PTPRQ: variants seen among roughly 807,000 people sequenced by gnomAD.
PTPRQ encodes protein tyrosine phosphatase receptor type Q, also known as phosphatidylinositol phosphatase PTPRQ.
Under a neutral mutation model 246.0 loss-of-function variants are expected in PTPRQ, and 199 were observed. That is an observed-to-expected ratio of 0.81 (90% confidence interval 0.72 to 0.91). The LOEUF is 0.91. PTPRQ is among the 40% of genes least tolerant of loss of function. The pLI, the probability that PTPRQ is intolerant of heterozygous loss-of-function variation, is 0.00. For missense variants in PTPRQ, 2,624 were observed against 2,528.4 expected, an observed-to-expected ratio of 1.04 and a Z score of -0.81; for synonymous variants, 869 against 853.2, an observed-to-expected ratio of 1.02 and a Z score of -0.32.
chr12:80,499,939 A>G (rs926751851), intron 14 of PTPRQ, among the ~76,000 whole-genome samples: 4 of 152,110 alleles, frequency 2.6e-5, no homozygotes, highest in Middle Eastern at 3.4e-3. Flanking sequence ...ATCTATACAT[A>G]TTCCCTTTCC....
chr12:80,646,070 G>A (rs1367952560), intron 35 of PTPRQ, among the ~76,000 whole-genome samples: 1 of 152,028 alleles, frequency 6.6e-6, no homozygotes, highest in Non-Finnish European at 1.5e-5. Context: ...AAAATTAAGA[G>A]AATATTCTTT....
At position 80,613,756 on chromosome 12, in the gene PTPRQ, C is replaced by T. The variant is rs1371993127; in HGVS notation, c.5083C>T (p.Leu1695Phe). The part of the protein sequence containing the change: ...DDPTAVQIHN[L>F]SIIQKTNTFV... Reference sequence around the variant, plus strand: ...TCCTACTGCTGTCCAGATTCACAACCTCAGTATTATACAGAAAACCAACAC... The same window carrying T: ...TCCTACTGCTGTCCAGATTCACAACTTCAGTATTATACAGAAAACCAACAC... The change falls in exon 29 of 45, where the codon CTC becomes TTC. Residue 1695 changes from leucine to phenylalanine, a missense_variant. Coordinates refer to ENST00000644991, the MANE Select transcript of PTPRQ (RefSeq NM_001145026.2). 4 of 1,545,070 alleles carry T rather than the reference C, an allele frequency of 2.6e-6. No individual in the cohort carries two copies. The highest frequency in any genetic ancestry group is 1.4e-5 in the African/African-American group (1 of 72,414).
chr12:80,510,583 A>G, intron 17 of PTPRQ, 140 bp downstream of exon 17: 1 of 967,582 alleles, frequency 1.0e-6, no homozygotes, highest in Non-Finnish European at 1.4e-6. Flanking sequence ...GTTTTGATTA[A>G]GAAACAAGTT....
chr12:80,464,408 A>G (rs1422549679), intron 6 of PTPRQ, among the ~76,000 whole-genome samples: 23 of 12,610 alleles, frequency 1.8e-3, no homozygotes, highest in African/African-American at 8.7e-3. Flanking sequence ...AGACTCCCAT[A>G]CAATAATAAT....
chr12:80,519,670 T>C (rs993593280), intron 17 of PTPRQ, among the ~76,000 whole-genome samples: 15 of 152,190 alleles, frequency 9.9e-5, no homozygotes, highest in Non-Finnish European at 2.1e-4. Context: ...AACATGTATG[T>C]AACAAACGAT....
Position 80,496,514 on chromosome 12 carries a change from TA to T in PTPRQ, c.2257del (p.Arg753GlyfsTer56). 6.5e-7 allele frequency: 1 copy of T among 1,540,614 alleles called. No individual in the cohort carries two copies. Among genetic ancestry groups the T allele is most frequent in the Non-Finnish European group, 8.7e-7 (1 of 1,143,676 alleles). On this transcript the variant is annotated frameshift_variant, in exon 14 of 45. Coordinates refer to ENST00000644991, the MANE Select transcript of PTPRQ (RefSeq NM_001145026.2). LOFTEE classifies it high-confidence loss of function. ...HGNQVSSLLS[V>X]RTSETVPDSA... ...AATCAGGTATCTTCTTTACTCTCTG[TA>T]AGGACTTCGGAGACTGGTGAGCTTT...
intron 39 of PTPRQ, among the ~76,000 whole-genome samples, 177 bp downstream of exon 39, chr12:80,658,238 A>G (rs1900508924): frequency 6.6e-6 from 1 of 152,040 alleles, no homozygotes; most frequent in South Asian, 2.1e-4. Context: ...GGATATGCCT[A>G]ACAGAGATAC....
At chr12:80,490,882 T>A (rs1004891569) in intron 9 of PTPRQ, among the ~76,000 whole-genome samples, 5 of 152,024 alleles carry the variant, frequency 3.3e-5, no homozygotes, top group African/African-American at 1.2e-4. Context: ...ATTACTTTTT[T>A]TCTCATTATG....
chr12:80,511,136 A>G (rs1238722967), intron 17 of PTPRQ, among the ~76,000 whole-genome samples: 2 of 152,204 alleles, frequency 1.3e-5, no homozygotes, highest in African/African-American at 4.8e-5. Flanking sequence ...ACTTCGTAAA[A>G]CATAGCCATT....
chr12:80,552,657 A>C (rs1479102504), intron 25 of PTPRQ, among the ~76,000 whole-genome samples: 1 of 79,924 alleles, frequency 1.3e-5, no homozygotes, highest in African/African-American at 6.3e-5. Flanking sequence ...ATATATATAT[A>C]TATATATATA....
At chr12:80,452,678 A>C (rs1163311401) in intron 3 of PTPRQ, among the ~76,000 whole-genome samples, 1 of 152,188 alleles carries the variant, frequency 6.6e-6, no homozygotes, top group Non-Finnish European at 1.5e-5. Flanking sequence ...TTCTTTAAGA[A>C]TGTTGAATAT....
At chr12:80,485,271 T>A (rs1383540835) in intron 9 of PTPRQ, among the ~76,000 whole-genome samples, 1 of 152,170 alleles carries the variant, frequency 6.6e-6, no homozygotes, top group African/African-American at 2.4e-5. Flanking sequence ...TCACCTCACT[T>A]CATCAACTGT....
At chr12:80,581,688 A>G (rs914653980) in intron 25 of PTPRQ, among the ~76,000 whole-genome samples, 5 of 152,166 alleles carry the variant, frequency 3.3e-5, no homozygotes, top group Admixed American at 3.3e-4. Context: ...CAGCAAAATA[A>G]AAAGACAAAT....
At position 80,636,518 on chromosome 12, in the gene PTPRQ, C is replaced by T. The variant is rs1200221417; in HGVS notation, c.5915+1445C>T. On this transcript the variant is annotated intron_variant, in intron 35 of 44. Transcript: ENST00000644991. ...TCCTAGCCTCCTTCCTGCACTCCAT[C>T]GTCAGTTCCTTTTGCCCCTCCTCAG... Among the ~76,000 whole-genome samples the T allele has an allele frequency of 5.3e-5, 8 of 152,188 alleles. No homozygotes were observed. The South Asian group carries it at 6.2e-4, about 12-fold the overall frequency.
At chr12:80,621,441 G>T (rs960198435) in intron 32 of PTPRQ, among the ~76,000 whole-genome samples, 4 of 151,930 alleles carry the variant, frequency 2.6e-5, no homozygotes, top group African/African-American at 9.6e-5. Flanking sequence ...AAATGCCCTT[G>T]TGCCTTTATT....
At chr12:80,674,958 G>A (rs1345819664) in intron 43 of PTPRQ, among the ~76,000 whole-genome samples, 2 of 152,068 alleles carry the variant, frequency 1.3e-5, no homozygotes, top group Non-Finnish European at 2.9e-5. Flanking sequence ...ATTTGGGCTT[G>A]CATGATAAAT....
Position 80,588,410 on chromosome 12 carries a change from G to T in PTPRQ, c.4567G>T (p.Gly1523Cys). Residue 1523 changes from glycine (G) to cysteine (C), a missense_variant, in exon 26 of 45, where the codon GGC becomes TGC. Gly to Cys is a radical substitution (Grantham distance 159). Coordinates refer to ENST00000644991, the MANE Select transcript of PTPRQ (RefSeq NM_001145026.2). ...QVAASTNAGYGNASNWISTKT... is the reference protein window; with the variant it reads ...QVAASTNAGYCNASNWISTKT... ...GGCTGCCAGCACCAATGCTGGCTAT[G>T]GCAATGCTTCAAACTGGATTTCTAC... is the stretch of plus-strand genomic sequence containing the variant. 6.6e-7 allele frequency: 1 copy of T among 1,510,702 alleles called. No homozygotes were observed. The highest frequency in any genetic ancestry group is 1.3e-5 in the South Asian group (1 of 76,530). 93.6% of individuals were successfully genotyped at this position (1,510,702 alleles called of 1,614,324 possible).
At chr12:80,455,092 G>C (rs914477643) in intron 3 of PTPRQ, among the ~76,000 whole-genome samples, 20 of 152,182 alleles carry the variant, frequency 1.3e-4, no homozygotes, top group Admixed American at 5.9e-4. Flanking sequence ...AGAGTCACTT[G>C]AACCCGGGAG....
At chr12:80,511,503 C>T (rs992081020) in intron 17 of PTPRQ, among the ~76,000 whole-genome samples, 3 of 152,034 alleles carry the variant, frequency 2.0e-5, no homozygotes, top group Non-Finnish European at 4.4e-5. Context: ...CACATAAGAC[C>T]GTTGCCCTCA....
Sources: allele counts gnomAD v4.1 joint callset (sites outside exome capture counted in the v4.1 genomes callset), GRCh38; gene constraint gnomAD v4.1.1; transcripts MANE v1.5; gene names NCBI Gene and HGNC (gene_info 2026-07-23, HGNC 2026-07-21).